The following CLCN3 variants were observed in gnomAD, a reference collection of about 807,000 sequenced individuals.
The protein encoded by CLCN3 is Cl-/H+ antiporter 3, also known as H(+)/Cl(-) exchange transporter 3.
In CLCN3, 16 loss-of-function variants were observed where a neutral mutation model predicts 83.4. The ratio of observed to expected loss-of-function variants is 0.19; its 90% CI spans 0.13 to 0.29. The LOEUF is 0.29. Ranked by LOEUF, CLCN3 falls within the 10% of genes least tolerant of loss-of-function variation. The probability of loss-of-function intolerance (pLI) is 1.00; values close to 1 mark genes in which losing one functional copy is unlikely to be tolerated. For missense variants in CLCN3, 544 were observed against 1,006.0 expected (o/e 0.54, Z 6.21); for synonymous variants, 322 against 346.2 (o/e 0.93, Z 0.78).
At chr4:169,654,312 C>T (rs1730820607) in intron 2 of CLCN3, among the ~76,000 whole-genome samples, 1 of 151,958 alleles carries the variant, frequency 6.6e-6, no homozygotes, top group South Asian at 2.1e-4. Context: ...TAATCTGTGT[C>T]ACTGTAGATT....
At chr4:169,660,416 A>G in intron 2 of CLCN3, 2 of 1,408,804 alleles carry the variant, frequency 1.4e-6, no homozygotes, top group Non-Finnish European at 1.8e-6. Flanking sequence ...GGGGGAGGAG[A>G]CAGTATTCCC....
intron 7 of CLCN3, among the ~76,000 whole-genome samples, chr4:169,694,509 G>T (rs1286585345): frequency 6.6e-6 from 1 of 152,176 alleles, no homozygotes; most frequent in Non-Finnish European, 1.5e-5. Context: ...ACTTTAGGTA[G>T]CTTTGGATAT....
chr4:169,697,804 G>T (rs1732625408), intron 9 of CLCN3, 70 bp downstream of exon 9: 1 of 1,002,482 alleles, frequency 1.0e-6, no homozygotes, highest in Non-Finnish European at 1.5e-6. Context: ...GAATGAGAGA[G>T]GTTGTTGTTT....
chr4:169,651,119 A>G (rs1409556650), intron 2 of CLCN3, among the ~76,000 whole-genome samples: 1 of 152,102 alleles, frequency 6.6e-6, no homozygotes, highest in Non-Finnish European at 1.5e-5. Flanking sequence ...ATATACAGAA[A>G]CTGGTGGTTT....
chr4:169,718,664 T>G (rs2150280929), intron 12 of CLCN3, among the ~76,000 whole-genome samples: 2 of 152,338 alleles, frequency 1.3e-5, no homozygotes, highest in African/African-American at 4.8e-5. Context: ...GCTTTAGCAA[T>G]TAATGCCCGA....
intron 4 of CLCN3, among the ~76,000 whole-genome samples, chr4:169,688,437 A>C (rs764462855): frequency 3.9e-5 from 6 of 152,206 alleles, no homozygotes. Flanking sequence ...AAGACCATAA[A>C]AATTAAAATT....
chr4:169,689,003 T>C lies in CLCN3; in HGVS notation c.419-40T>C, dbSNP rs772175749. On this transcript the variant is annotated intron_variant, in intron 4 of 12. Coordinates refer to ENST00000513761, the MANE Select transcript of CLCN3 (RefSeq NM_001829.4). ...TAGATTGTTCTCGACTCCCAAAAAATTGACTTAATTTTTTTACCATCTCCA... is the reference window on the plus strand; with the variant it reads ...TAGATTGTTCTCGACTCCCAAAAAACTGACTTAATTTTTTTACCATCTCCA... The C allele has an allele frequency of 1.3e-5, 21 of 1,588,748 alleles. 1 individual carries two copies. The East Asian group carries it at 3.2e-4, about 24-fold the overall frequency.
intron 3 of CLCN3, among the ~76,000 whole-genome samples, chr4:169,683,321 CTA>C (rs1472332128): frequency 2.0e-5 from 3 of 152,076 alleles, no homozygotes; most frequent in Non-Finnish European, 2.9e-5. Context: ...AATATGGAGA[CTA>C]TCTCTACACA....
intron 2 of CLCN3, among the ~76,000 whole-genome samples, chr4:169,672,078 G>A (rs1212726459): frequency 2.0e-5 from 3 of 152,030 alleles, no homozygotes; most frequent in African/African-American, 7.2e-5. Flanking sequence ...CGGGCGTGGT[G>A]GTGGGCGCCT....
intron 2 of CLCN3, among the ~76,000 whole-genome samples, chr4:169,637,244 G>GA (rs1340757507): frequency 6.6e-6 from 1 of 151,916 alleles, no homozygotes; most frequent in African/African-American, 2.4e-5. Flanking sequence ...TCCTTTTTCA[G>GA]ATACATGTAC....
intron 3 of CLCN3, among the ~76,000 whole-genome samples, chr4:169,687,132 C>T (rs575999371): frequency 3.3e-5 from 5 of 152,122 alleles, no homozygotes; most frequent in Non-Finnish European, 5.9e-5. Flanking sequence ...AGAGAATGAC[C>T]GATAATTCAA....
chr4:169,672,481 T>G (rs1731508109), intron 2 of CLCN3, among the ~76,000 whole-genome samples: 1 of 151,984 alleles, frequency 6.6e-6, no homozygotes, highest in African/African-American at 2.4e-5. Flanking sequence ...ATGTACTTTA[T>G]GTAGAAGAGA....
At chr4:169,707,386 C>T (rs1733035719) in intron 11 of CLCN3, 120 bp downstream of exon 11, 5 of 637,674 alleles carry the variant, frequency 7.8e-6, no homozygotes, top group Non-Finnish European at 1.3e-5. Flanking sequence ...ATTTTATGTC[C>T]CTTAAAATCT....
chr4:169,634,205 G>T (rs1773449899), intron 1 of CLCN3, among the ~76,000 whole-genome samples: 1 of 152,202 alleles, frequency 6.6e-6, no homozygotes, highest in Non-Finnish European at 1.5e-5. Flanking sequence ...GCTGATTGAA[G>T]TATTAACACA....
chr4:169,641,880 C>T (rs1242658309), intron 2 of CLCN3, among the ~76,000 whole-genome samples: 1 of 152,016 alleles, frequency 6.6e-6, no homozygotes, highest in Non-Finnish European at 1.5e-5. Context: ...TAGGTAAAAC[C>T]ATAATACAAA....
At chr4:169,629,101 A>G (rs531733138) in intron 1 of CLCN3, among the ~76,000 whole-genome samples, 6 of 152,326 alleles carry the variant, frequency 3.9e-5, no homozygotes, top group Admixed American at 3.9e-4. Context: ...TAGAAAACAG[A>G]CTATGGGTTG....
chr4:169,713,996 A>AC (rs1398911770), intron 12 of CLCN3, among the ~76,000 whole-genome samples: 3 of 152,206 alleles, frequency 2.0e-5, no homozygotes, highest in African/African-American at 7.2e-5. Context: ...AACAGATGTC[A>AC]CGGGGGTTGT....
intron 2 of CLCN3, among the ~76,000 whole-genome samples, chr4:169,650,216 A>G (rs188819425): frequency 5.4e-4 from 83 of 152,356 alleles, no homozygotes; most frequent in African/African-American, 1.9e-3. Flanking sequence ...TGCTGGTAGA[A>G]AACATTAATA....
chr4:169,635,780 G>A (rs1416405079), intron 1 of CLCN3, 133 bp from the exon 2 acceptor site: 1 of 530,374 alleles, frequency 1.9e-6, no homozygotes, highest in Non-Finnish European at 3.1e-6. Context: ...ACTTAATAAA[G>A]GTAACTATTG....
Sources: gnomAD v4.1 joint callset for allele counts (sites outside exome capture counted in the v4.1 genomes callset) on GRCh38, gnomAD v4.1.1 for gene constraint, MANE v1.5 for transcripts, NCBI Gene and HGNC (gene_info 2026-07-23, HGNC 2026-07-21) for gene names.